Variants in PLEKHM3 observed in about 807,000 individuals in gnomAD.
The protein encoded by PLEKHM3 is pleckstrin homology domain containing M3.
In PLEKHM3, 45 loss-of-function variants were observed where a neutral mutation model predicts 81.8. The ratio of observed to expected loss-of-function variants is 0.55; its 90% CI spans 0.43 to 0.71. The LOEUF is 0.71. Among genes scored for constraint, PLEKHM3 ranks in the 30% least tolerant of loss-of-function variants. PLEKHM3 has a pLI of 0.00. For missense variants in PLEKHM3, 788 were observed against 924.3 expected, an observed-to-expected ratio of 0.85 and a Z score of 1.91; for synonymous variants, 352 against 356.4, an observed-to-expected ratio of 0.99 and a Z score of 0.14.
chr2:207,951,706 T>A (rs1690332448), intron 3 of PLEKHM3, among the ~76,000 whole-genome samples: 1 of 152,132 alleles, frequency 6.6e-6, no homozygotes, highest in African/African-American at 2.4e-5. Flanking sequence ...CCCAAAAGAA[T>A]CTGTTGCTGG....
At chr2:207,861,906 A>G (rs1352501218) in intron 6 of PLEKHM3, among the ~76,000 whole-genome samples, 1 of 152,180 alleles carries the variant, frequency 6.6e-6, no homozygotes, top group Admixed American at 6.5e-5. Context: ...TTTTGGAAAA[A>G]TCAGATGATC....
chr2:207,845,272 C>A (rs371893955), intron 7 of PLEKHM3, among the ~76,000 whole-genome samples: 1 of 152,154 alleles, frequency 6.6e-6, no homozygotes, highest in Non-Finnish European at 1.5e-5. Context: ...AAATAACAAA[C>A]ATGTATTGAC....
intron 6 of PLEKHM3, among the ~76,000 whole-genome samples, chr2:207,897,209 G>C (rs1440024185): frequency 6.6e-6 from 1 of 152,126 alleles, no homozygotes; most frequent in African/African-American, 2.4e-5. Flanking sequence ...GCTATAGCAG[G>C]TTTCTATGGC....
intron 6 of PLEKHM3, among the ~76,000 whole-genome samples, chr2:207,905,012 C>T (rs1451424846): frequency 6.6e-6 from 1 of 152,016 alleles, no homozygotes; most frequent in Non-Finnish European, 1.5e-5. Context: ...TAAATTCTTA[C>T]CTATTTTTTT....
At position 207,826,760 on chromosome 2, in the gene PLEKHM3, A is replaced by C. The variant is rs558987823; in HGVS notation, c.*1559T>G. The C allele has an allele frequency of 6.6e-6, 1 of 151,764 alleles. No homozygotes were observed. The highest frequency in any genetic ancestry group is 2.1e-4 in the South Asian group (1 of 4,832). 9.4% of individuals were successfully genotyped at this position (151,764 alleles called of 1,614,324 possible). A position where few individuals can be genotyped will look rare whatever the true frequency, so the allele number is the denominator to read the frequency against. On this transcript the variant is annotated 3_prime_UTR_variant, in exon 8 of 8. Coordinates refer to ENST00000427836, the MANE Select transcript of PLEKHM3 (RefSeq NM_001080475.3). ...TATGTTGTGAGCCACTGATCCTAAT[A>C]GCAGCAAAACTACTAAACCATGAAG...
At chr2:207,890,475 G>A (rs1294128581) in intron 6 of PLEKHM3, among the ~76,000 whole-genome samples, 1 of 151,996 alleles carries the variant, frequency 6.6e-6, no homozygotes, top group Non-Finnish European at 1.5e-5. Flanking sequence ...AAAAAATACA[G>A]AAATTAGCTG....
chr2:207,951,780 C>T (rs1028057667), intron 3 of PLEKHM3, among the ~76,000 whole-genome samples: 1 of 152,188 alleles, frequency 6.6e-6, no homozygotes, highest in Non-Finnish European at 1.5e-5. Flanking sequence ...ACAAGTGTAC[C>T]TAGTTAACTC....
rs560003942 is a variant in PLEKHM3 at position 207,885,111 on chromosome 2, T to C, written c.1950+23403A>G. On this transcript the variant is annotated intron_variant, in intron 6 of 7. Coordinates refer to ENST00000427836, the MANE Select transcript of PLEKHM3 (RefSeq NM_001080475.3). Reference sequence around the variant, plus strand: ...AGTAAAATAAAAGCTCCACACCAGCTAGTCATATCCACTGAATCTACGGAG... The same window carrying C: ...AGTAAAATAAAAGCTCCACACCAGCCAGTCATATCCACTGAATCTACGGAG... 2.0e-5 allele frequency among the ~76,000 whole-genome samples: 3 copies of C among 152,360 alleles called. No homozygotes were observed. In the South Asian group the frequency reaches 6.2e-4, roughly 32 times the overall value.
rs759502320 is a variant in PLEKHM3 at position 208,001,614 on chromosome 2, A to G, written c.26T>C (p.Ile9Thr). Reference sequence around the variant, plus strand: ...CTCCGTAACTTCTAAGGCTGGGCTGATATCATCCACTTCCAAAGCTTCCAT... The same window carrying G: ...CTCCGTAACTTCTAAGGCTGGGCTGGTATCATCCACTTCCAAAGCTTCCAT... MEALEVDD[I>T]SPALEVTEEF... is the part of the protein sequence containing the mutation. The change falls in exon 2 of 8, where the codon ATC (isoleucine) becomes ACC (threonine). Residue 9 changes from isoleucine to threonine, a missense_variant. Physicochemically the swap from Ile to Thr is moderately conservative, Grantham distance 89. Transcript: ENST00000427836. 3 of 1,613,976 alleles carry G rather than the reference A, an allele frequency of 1.9e-6. No homozygotes were observed. In the East Asian group the frequency reaches 6.7e-5, roughly 36 times the overall value.
chr2:207,853,274 G>C (rs2092422006), intron 7 of PLEKHM3, among the ~76,000 whole-genome samples: 1 of 151,798 alleles, frequency 6.6e-6, no homozygotes, highest in African/African-American at 2.4e-5. Context: ...AAAATTAGCC[G>C]AGTGTCTTGG....
chr2:207,889,856 T>C (rs554823226), intron 6 of PLEKHM3, among the ~76,000 whole-genome samples: 6 of 152,268 alleles, frequency 3.9e-5, no homozygotes, highest in Non-Finnish European at 7.4e-5. Flanking sequence ...CAGGCTTGAG[T>C]GCAGTGGCTT....
chr2:207,911,179 T>C (rs1400246038), intron 5 of PLEKHM3, among the ~76,000 whole-genome samples: 2 of 152,136 alleles, frequency 1.3e-5, no homozygotes, highest in African/African-American at 4.8e-5. Context: ...AGGAAAAACC[T>C]GAATGGGAAG....
rs1407894082 is a variant in PLEKHM3 at position 207,823,197 on chromosome 2, C to T, written c.*5122G>A. 6.6e-6 allele frequency: 1 copy of T among 152,164 alleles called. No individual in the cohort carries two copies. The highest frequency in any genetic ancestry group is 1.5e-5 in the Non-Finnish European group (1 of 68,030). The allele number at this position is 152,164 out of a possible 1,614,324, so 9.4% of individuals were successfully genotyped here. A position where few individuals can be genotyped will look rare whatever the true frequency, so the allele number is the denominator to read the frequency against. On this transcript the variant is annotated 3_prime_UTR_variant, in exon 8 of 8. Transcript: ENST00000427836. The stretch of plus-strand genomic sequence containing the variant: ...TGGCTTCTCTTTTCACAGGGAAAAT[C>T]CAAAGCAAAACAGCAGTTGTCTCAC...
chr2:207,867,830 T>A (rs10208193), intron 6 of PLEKHM3, among the ~76,000 whole-genome samples: 38,610 of 151,976 alleles, frequency 0.25, 5,224 homozygotes, highest in Non-Finnish European at 0.31. Context: ...CCTAGCCATC[T>A]CGGTAGGGGC....
At chr2:207,983,716 C>T (rs1430654598) in intron 2 of PLEKHM3, among the ~76,000 whole-genome samples, 2 of 152,146 alleles carry the variant, frequency 1.3e-5, no homozygotes, top group Non-Finnish European at 2.9e-5. Context: ...GTATCCAGTG[C>T]AGTGGTTTCA....
intron 1 of PLEKHM3, among the ~76,000 whole-genome samples, chr2:208,018,371 C>CAAAA (rs56987058): frequency 1.8e-5 from 2 of 111,854 alleles, no homozygotes; most frequent in Non-Finnish European, 1.8e-5. Context: ...GACTCTGTCT[C>CAAAA]AAAAAAAAAA....
At chr2:207,844,668 A>G (rs1174700580) in intron 7 of PLEKHM3, among the ~76,000 whole-genome samples, 2 of 152,164 alleles carry the variant, frequency 1.3e-5, no homozygotes, top group African/African-American at 4.8e-5. Flanking sequence ...AAAGGCTACA[A>G]AATTCTTCCC....
At chr2:207,882,275 C>CT (rs1210246148) in intron 6 of PLEKHM3, among the ~76,000 whole-genome samples, 6 of 152,064 alleles carry the variant, frequency 3.9e-5, no homozygotes, top group Non-Finnish European at 8.8e-5. Context: ...CAGAGTTGTT[C>CT]TTTCTTGTTT....
At chr2:207,944,929 T>C (rs1403667637) in intron 4 of PLEKHM3, among the ~76,000 whole-genome samples, 2 of 152,186 alleles carry the variant, frequency 1.3e-5, no homozygotes, top group Admixed American at 1.3e-4. Flanking sequence ...TCCCTTCAAG[T>C]TACTCCTGAC....
Sources: gnomAD v4.1 joint callset for allele counts (sites outside exome capture counted in the v4.1 genomes callset) on GRCh38, gnomAD v4.1.1 for gene constraint, MANE v1.5 for transcripts, NCBI Gene and HGNC (gene_info 2026-07-23, HGNC 2026-07-21) for gene names.